The following ANKRD6 variants were observed in gnomAD, a reference collection of about 807,000 sequenced individuals.
ANKRD6 encodes ankyrin repeat domain-containing protein 6.
Under a neutral mutation model 82.3 loss-of-function variants are expected in ANKRD6, and 56 were observed. That is an observed-to-expected ratio of 0.68 (90% confidence interval 0.55 to 0.85). ANKRD6 has a LOEUF of 0.85. Among genes scored for constraint, ANKRD6 ranks in the 40% least tolerant of loss-of-function variants. The pLI, the probability that ANKRD6 is intolerant of heterozygous loss-of-function variation, is 0.00. For missense variants in ANKRD6, 852 were observed against 907.6 expected (o/e 0.94, Z 0.79); for synonymous variants, 347 against 352.1 (o/e 0.99, Z 0.16).
intron 1 of ANKRD6, among the ~76,000 whole-genome samples, chr6:89,461,621 C>A (rs1774151838): frequency 6.6e-6 from 1 of 152,116 alleles, no homozygotes; most frequent in Admixed American, 6.5e-5. Flanking sequence ...GCTTTGGTAT[C>A]ATTCATAAAA....
At chr6:89,588,979 A>C (rs1248927383) in intron 2 of ANKRD6, among the ~76,000 whole-genome samples, 1 of 131,022 alleles carries the variant, frequency 7.6e-6, no homozygotes, top group Non-Finnish European at 1.6e-5. Context: ...GGTGAGACAG[A>C]GCGAGACTCT....
At chr6:89,450,678 CT>C (rs1190254489) in intron 1 of ANKRD6, among the ~76,000 whole-genome samples, 1,805 of 143,458 alleles carry the variant, frequency 0.013, 27 homozygotes, top group African/African-American at 0.036. Flanking sequence ...CCACTGCAGA[CT>C]TTTTTTTTTT....
At chr6:89,449,995 A>G (rs1772610400) in intron 1 of ANKRD6, among the ~76,000 whole-genome samples, 4 of 152,180 alleles carry the variant, frequency 2.6e-5, no homozygotes, top group Admixed American at 6.6e-5. Context: ...AGTTCTGTGG[A>G]TAAAATGCTG....
chr6:89,624,007 G>A lies in ANKRD6; in HGVS notation c.1168G>A (p.Ala390Thr), dbSNP rs1338605133. The change falls in exon 12 of 16, where the codon GCG becomes ACG. Residue 390 changes from alanine (A) to threonine (T), a missense_variant. Transcript: ENST00000339746. Reference sequence around the variant, plus strand: ...CCCACCCCCACCCCATGAGTTCAGGGCGTATCAGCTCTACACATTGTACCG... The same window carrying A: ...CCCACCCCCACCCCATGAGTTCAGGACGTATCAGCTCTACACATTGTACCG... ...SSPPPPHEFR[A>T]YQLYTLYRGK... 2.5e-6 allele frequency: 4 copies of A among 1,611,976 alleles called. No homozygotes were observed. Among genetic ancestry groups the A allele is most frequent in the East Asian group, 2.2e-5 (1 of 44,786 alleles).
chr6:89,454,163 C>G (rs1773230401), intron 1 of ANKRD6, among the ~76,000 whole-genome samples: 1 of 152,094 alleles, frequency 6.6e-6, no homozygotes, highest in African/African-American at 2.4e-5. Context: ...TCATCTCAAC[C>G]ACTTTTCTCA....
chr6:89,494,273 C>T (rs1582907309), intron 1 of ANKRD6, among the ~76,000 whole-genome samples: 1 of 152,278 alleles, frequency 6.6e-6, no homozygotes, highest in East Asian at 1.9e-4. Context: ...AACAGGATTC[C>T]TGCTGAAGGC....
At chr6:89,608,684 T>G (rs1405655857) in intron 5 of ANKRD6, among the ~76,000 whole-genome samples, 1 of 152,102 alleles carries the variant, frequency 6.6e-6, no homozygotes, top group Non-Finnish European at 1.5e-5. Context: ...AGAGCATAGT[T>G]AAGCAAGCCA....
At chr6:89,465,788 G>C (rs1429629306) in intron 1 of ANKRD6, among the ~76,000 whole-genome samples, 2 of 152,038 alleles carry the variant, frequency 1.3e-5, no homozygotes, top group Non-Finnish European at 2.9e-5. Context: ...ACTTGAGCCC[G>C]GGAGATCAAT....
intron 1 of ANKRD6, among the ~76,000 whole-genome samples, chr6:89,532,253 A>G (rs1783249912): frequency 6.6e-6 from 1 of 152,076 alleles, no homozygotes; most frequent in African/African-American, 2.4e-5. Context: ...GGCCCAACCA[A>G]ATTGACATTA....
rs764777820 is a variant in ANKRD6, at chr6:89,623,414, G to A, written c.902G>A (p.Ser301Asn). The A allele has an allele frequency of 6.2e-7, 1 of 1,612,532 alleles. No homozygotes were observed. Among genetic ancestry groups the A allele is most frequent in the East Asian group, 2.2e-5 (1 of 44,862 alleles). Residue 301 changes from serine to asparagine, a missense_variant, in exon 11 of 16, where the codon AGT becomes AAT. Physicochemically the swap from Ser to Asn is conservative, Grantham distance 46. Coordinates refer to ENST00000339746, the MANE Select transcript of ANKRD6 (RefSeq NM_001242809.2). ...CTGGGCTTTTTCCTTCTGTAGGGCA[G>A]TGTCTCAGCAGGAGACACCCCCAGC... ...PRDEVAQSKG[S>N]VSAGDTPSSE...
intron 1 of ANKRD6, among the ~76,000 whole-genome samples, chr6:89,564,981 A>G (rs1788161106): frequency 6.6e-6 from 1 of 152,216 alleles, no homozygotes; most frequent in Non-Finnish European, 1.5e-5. Flanking sequence ...GCAGAAGCTC[A>G]GTATAATTGG....
chr6:89,456,973 C>G (rs990973522), intron 1 of ANKRD6, among the ~76,000 whole-genome samples: 1 of 152,188 alleles, frequency 6.6e-6, no homozygotes, highest in African/African-American at 2.4e-5. Context: ...AGACCTTAGT[C>G]CATAAAGGCA....
chr6:89,631,200 C>A lies in ANKRD6; in HGVS notation c.*196C>A. On this transcript the variant is annotated 3_prime_UTR_variant, in exon 16 of 16. Transcript: ENST00000339746. ...GAAGACTTCAACAATTAAACTGAAA[C>A]CAGGGGAAGCTTGCTTAGTTTTGGG... 1.0e-6 allele frequency: 1 copy of A among 1,004,684 alleles called. No homozygotes were observed. Among genetic ancestry groups the A allele is most frequent in the Non-Finnish European group, 1.3e-6 (1 of 752,000 alleles). The allele number at this position is 1,004,684 out of a possible 1,614,324, so 62.2% of individuals were successfully genotyped here.
chr6:89,515,215 T>A (rs1781058300), intron 1 of ANKRD6, among the ~76,000 whole-genome samples: 1 of 152,334 alleles, frequency 6.6e-6, no homozygotes, highest in Non-Finnish European at 1.5e-5. Flanking sequence ...ATTTCTAGGA[T>A]GATTAGCCCT....
chr6:89,489,551 C>G (rs1777781068), intron 1 of ANKRD6, among the ~76,000 whole-genome samples: 2 of 152,190 alleles, frequency 1.3e-5, no homozygotes, highest in South Asian at 4.1e-4. Context: ...TGGTCTTTTG[C>G]ATCTTCTAAG....
intron 7 of ANKRD6, 76 bp downstream of exon 7, chr6:89,613,966 G>A (rs1042453326): frequency 1.9e-5 from 27 of 1,453,204 alleles, no homozygotes; most frequent in Middle Eastern, 1.8e-4. Flanking sequence ...TAGTGCAAAC[G>A]GGAGCAGAGG....
intron 2 of ANKRD6, among the ~76,000 whole-genome samples, chr6:89,569,077 C>G (rs1789194407): frequency 6.6e-6 from 1 of 151,884 alleles, no homozygotes; most frequent in Non-Finnish European, 1.5e-5. Flanking sequence ...ACATGCCTGC[C>G]TAATTTTTGT....
At chr6:89,563,411 G>A (rs529243660) in intron 1 of ANKRD6, among the ~76,000 whole-genome samples, 7 of 152,178 alleles carry the variant, frequency 4.6e-5, no homozygotes, top group East Asian at 1.9e-4. Context: ...AATGGGCAGC[G>A]TGTTTGCGTT....
intron 1 of ANKRD6, among the ~76,000 whole-genome samples, chr6:89,527,958 C>T (rs909203766): frequency 6.6e-5 from 10 of 152,146 alleles, no homozygotes; most frequent in African/African-American, 2.4e-4. Flanking sequence ...TGTAGGCACA[C>T]ACCACAATGC....
Sources: allele counts gnomAD v4.1 joint callset (sites outside exome capture counted in the v4.1 genomes callset), GRCh38; gene constraint gnomAD v4.1.1; transcripts MANE v1.5; gene names NCBI Gene and HGNC (gene_info 2026-07-23, HGNC 2026-07-21).